Variants in TRMT1 observed in about 807,000 individuals in gnomAD.
TRMT1 encodes tRNA methyltransferase 1.
In TRMT1, 63 loss-of-function variants were observed where a neutral mutation model predicts 75.4. The observed-to-expected ratio is 0.84, with a 90% CI of 0.68 to 1.03. The LOEUF (loss-of-function observed/expected upper bound fraction) is 1.03, where lower values mean the gene tolerates loss of function less well. Ranked by LOEUF, TRMT1 falls within the 50% of genes least tolerant of loss-of-function variation. The probability of loss-of-function intolerance (pLI) is 0.00; values close to 1 mark genes in which losing one functional copy is unlikely to be tolerated. For missense variants in TRMT1, 870 were observed against 905.3 expected (o/e 0.96, Z 0.50); for synonymous variants, 382 against 358.1 (o/e 1.07, Z -0.75).
Position 13,116,355 on chromosome 19 carries a change from G to C in TRMT1, c.45C>G (p.Ala15=). 2.5e-6 allele frequency: 4 copies of C among 1,612,590 alleles called. No individual in the cohort carries two copies. The highest frequency in any genetic ancestry group is 3.4e-6 in the Non-Finnish European group (4 of 1,179,552). ...AAAACCGGGCTCTAGAGAGCACCCG[G>C]GCGGAGCGGAAAGTGAGGCTTAGCC... ...SLWLSLTFRS[A]RVLSRARFFE... Residue 15 remains alanine, a synonymous_variant, in exon 2 of 17, where the codon GCC becomes GCG. Coordinates refer to ENST00000357720, the MANE Select transcript of TRMT1 (RefSeq NM_001136035.4).
At chr19:13,113,655 G>A (rs2019226034) in intron 5 of TRMT1, among the ~76,000 whole-genome samples, 1 of 151,912 alleles carries the variant, frequency 6.6e-6, no homozygotes, top group Non-Finnish European at 1.5e-5. Context: ...TGTCACCCAG[G>A]CTGGAGTGCA....
chr19:13,115,915 T>G, intron 3 of TRMT1, 82 bp downstream of exon 3: 1 of 1,611,602 alleles, frequency 6.2e-7, no homozygotes, highest in Non-Finnish European at 8.5e-7. Flanking sequence ...GAAGCCCCTC[T>G]GGATTTGGGC....
intron 7 of TRMT1, 84 bp from the exon 8 acceptor site, chr19:13,110,390 G>T: frequency 6.9e-7 from 1 of 1,440,516 alleles, no homozygotes; most frequent in Non-Finnish European, 9.2e-7. Context: ...ACAAGTACAG[G>T]CTCAGGGCCA....
Position 13,114,448 on chromosome 19 carries a change from C to T in TRMT1, c.641+831G>A, listed in dbSNP as rs112757167. Reference sequence around the variant, plus strand: ...TTGGGAGGCCGAGGCGGGCAGATCACGAGGTCAGGAAATCGAGACCATCCT... The same window carrying T: ...TTGGGAGGCCGAGGCGGGCAGATCATGAGGTCAGGAAATCGAGACCATCCT... On this transcript the variant is annotated intron_variant, in intron 5 of 16. Transcript: ENST00000357720. 1.6e-3 allele frequency among the ~76,000 whole-genome samples: 251 copies of T among 152,258 alleles called. 2 individuals carry two copies. Among genetic ancestry groups the T allele is most frequent in the African/African-American group, 5.7e-3 (237 of 41,548 alleles).
chr19:13,115,664 C>G lies in TRMT1; in HGVS notation c.415G>C (p.Asp139His). Residue 139 changes from aspartate (D) to histidine (H), a missense_variant, in exon 4 of 17, where the codon GAC (aspartate) becomes CAC (histidine). Coordinates refer to ENST00000357720, the MANE Select transcript of TRMT1 (RefSeq NM_001136035.4). ...CCCACGGCCGCTGTGCGAGGTTGGT[C>G]TCCTGAGGCCAGGTTTTCACTCTCT... ...LKESENLASG[D>H]QPRTAAVGEI... 3 of 1,614,088 alleles carry G rather than the reference C, an allele frequency of 1.9e-6. No homozygotes were observed.
At chr19:13,116,545 G>A (rs1429545874) in intron 1 of TRMT1, 108 bp downstream of exon 1, 2 of 1,119,666 alleles carry the variant, frequency 1.8e-6, no homozygotes, top group African/African-American at 1.6e-5. Context: ...GCCTCGGTAA[G>A]CTGATATCCC....
At chr19:13,115,177 C>G in intron 5 of TRMT1, 102 bp downstream of exon 5, 1 of 1,312,020 alleles carries the variant, frequency 7.6e-7, no homozygotes, top group Non-Finnish European at 1.0e-6. Context: ...CTCAAAGAGG[C>G]TAAGTCACTC....
chr19:13,108,022 GCT>G (rs1339339157), intron 12 of TRMT1, among the ~76,000 whole-genome samples, 163 bp from the exon 13 acceptor site: 1 of 121,200 alleles, frequency 8.3e-6, no homozygotes, highest in Non-Finnish European at 1.6e-5. Context: ...ATGGAGTCTC[GCT>G]CTGTCGCTCA....
At chr19:13,107,517 C>G (rs2018930040) in intron 14 of TRMT1, 57 bp downstream of exon 14, 3 of 1,541,270 alleles carry the variant, frequency 1.9e-6, no homozygotes, top group Non-Finnish European at 2.6e-6. Context: ...TCTGCACACA[C>G]ATGTGCTTCC....
Position 13,105,077 on chromosome 19 carries a change from G to GT in TRMT1, c.1837dup (p.Thr613AsnfsTer22). On this transcript the variant is annotated frameshift_variant, in exon 17 of 17. Transcript: ENST00000357720. LOFTEE classifies it low-confidence loss of function (END_TRUNC). ...GCAGCACTGGTCCCCGCGTTGACAG[G>GT]TGCCCTGGTGGGAAGATGGTGGGTG... is the stretch of plus-strand genomic sequence containing the variant. 1.9e-6 allele frequency: 3 copies of GT among 1,584,070 alleles called. No homozygotes were observed. Among genetic ancestry groups the GT allele is most frequent in the Non-Finnish European group, 2.6e-6 (3 of 1,163,670 alleles).
In TRMT1 at chr19:13,109,811, G is replaced by A. The variant is rs1486468578; in HGVS notation, c.1134C>T (p.Pro378=). The change falls in exon 10 of 17, where the codon CCC becomes CCT. Residue 378 remains proline, a synonymous_variant. Coordinates refer to ENST00000357720, the MANE Select transcript of TRMT1 (RefSeq NM_001136035.4). ...GRAKFSAACG[P]PVTPECEHCG... Reference sequence around the variant, plus strand: ...AGTGTTCACACTCGGGGGTCACAGGGGGACCACAGGCTGCAGAGAACTTGG... The same window carrying A: ...AGTGTTCACACTCGGGGGTCACAGGAGGACCACAGGCTGCAGAGAACTTGG... The A allele has an allele frequency of 5.6e-6, 9 of 1,614,156 alleles. No individual in the cohort carries two copies. Among genetic ancestry groups the A allele is most frequent in the Middle Eastern group, 1.6e-4 (1 of 6,062 alleles).
At position 13,107,662 on chromosome 19, in the gene TRMT1, G is replaced by A. The variant is rs762188422; in HGVS notation, c.1507-12C>T. 4 of 1,600,434 alleles carry A rather than the reference G, an allele frequency of 2.5e-6. No individual in the cohort carries two copies. Among genetic ancestry groups the A allele is most frequent in the Non-Finnish European group, 3.4e-6 (4 of 1,172,100 alleles). ...GGACATTCCTTCTCCTGGGGGCAGAGGTCAGAGGTTAGGGAATACTAGGCC... is the reference window on the plus strand; with the variant it reads ...GGACATTCCTTCTCCTGGGGGCAGAAGTCAGAGGTTAGGGAATACTAGGCC... On this transcript the variant is annotated splice_polypyrimidine_tract_variant and intron_variant, in intron 13 of 16. Transcript: ENST00000357720.
chr19:13,114,727 G>C (rs1212410785), intron 5 of TRMT1, among the ~76,000 whole-genome samples: 1 of 151,826 alleles, frequency 6.6e-6, no homozygotes, highest in African/African-American at 2.4e-5. Flanking sequence ...TGTAATCCCA[G>C]CTACTCGGGA....
rs376903135 is a variant in TRMT1, at chr19:13,105,584, G to A, written c.1606C>T (p.Arg536Trp). The A allele has an allele frequency of 4.3e-6, 7 of 1,613,620 alleles. No homozygotes were observed. The highest frequency in any genetic ancestry group is 2.7e-5 in the African/African-American group (2 of 74,918). ...EPRLQANFTIREDANPSSRQR... is the reference protein window; with the variant it reads ...EPRLQANFTIWEDANPSSRQR... ...CGGGAGCTGGGGTTGGCATCTTCCC[G>A]GATGGTGAAGTTGGCCTGCAGCCTA... Residue 536 changes from arginine (R) to tryptophan (W), a missense_variant, in exon 15 of 17, where the codon CGG becomes TGG. Transcript: ENST00000357720.
rs748672881 is a variant in TRMT1 at position 13,105,340 on chromosome 19, C to T, written c.1760G>A (p.Arg587Gln). Reference sequence around the variant, plus strand: ...GGCCACATCTTCCGGCGGCTCCTTCCGCTTGTTCTGAAGCAGCCTGCGTCT... The same window carrying T: ...GGCCACATCTTCCGGCGGCTCCTTCTGCTTGTTCTGAAGCAGCCTGCGTCT... ...EERRRLLQNK[R>Q]KEPPEDVAQR... is the part of the protein sequence containing the mutation. Residue 587 changes from arginine to glutamine, a missense_variant, in exon 16 of 17, where the codon CGG becomes CAG. Coordinates refer to ENST00000357720, the MANE Select transcript of TRMT1 (RefSeq NM_001136035.4). 8 of 1,613,848 alleles carry T rather than the reference C, an allele frequency of 5.0e-6. No individual in the cohort carries two copies. The highest frequency in any genetic ancestry group is 1.6e-4 in the Middle Eastern group (1 of 6,084).
At chr19:13,115,542 C>A in intron 4 of TRMT1, 76 bp from the exon 5 acceptor site, 1 of 1,600,354 alleles carries the variant, frequency 6.2e-7, no homozygotes, top group South Asian at 1.1e-5. Context: ...CCCCCACCAC[C>A]CACCTCCTAT....
Position 13,112,696 on chromosome 19 carries a change from GCC to G in TRMT1, c.870+7_870+8del. The G allele has an allele frequency of 1.2e-6, 2 of 1,609,102 alleles. No homozygotes were observed. The highest frequency in any genetic ancestry group is 2.7e-5 in the African/African-American group (2 of 75,044). ...GGTCTCCCTGGCTGGCTGGCAGAGG[GCC>G]CCTCACCATCTCGTGGCAGGCCCGG... On this transcript the variant is annotated splice_region_variant and intron_variant, in intron 7 of 16. Transcript: ENST00000357720.
At chr19:13,106,657 T>C (rs1402922875) in intron 14 of TRMT1, among the ~76,000 whole-genome samples, 1 of 149,226 alleles carries the variant, frequency 6.7e-6, no homozygotes, top group Non-Finnish European at 1.5e-5. Flanking sequence ...TTTTTTTTTT[T>C]TGTATTTTTA....
rs2019081266 is a variant in TRMT1 at position 13,110,142 on chromosome 19, C to G, written c.1019+16G>C. The G allele has an allele frequency of 6.2e-7, 1 of 1,611,696 alleles. No homozygotes were observed. Among genetic ancestry groups the G allele is most frequent in the African/African-American group, 1.3e-5 (1 of 75,006 alleles). The stretch of plus-strand genomic sequence containing the variant: ...TCCTCTCTCAATCCACCACCGCTCT[C>G]TGCCCCCGGGCTGACCTGGCTGAGG... On this transcript the variant is annotated intron_variant, in intron 8 of 16. Transcript: ENST00000357720.
Sources: gnomAD v4.1 joint callset for allele counts (sites outside exome capture counted in the v4.1 genomes callset) on GRCh38, gnomAD v4.1.1 for gene constraint, MANE v1.5 for transcripts, NCBI Gene and HGNC (gene_info 2026-07-23, HGNC 2026-07-21) for gene names.